Variants in TRABD2B observed in about 807,000 individuals in gnomAD.
The protein encoded by TRABD2B is metalloprotease TIKI2.
In TRABD2B, 14 loss-of-function variants were observed where a neutral mutation model predicts 40.1. The ratio of observed to expected loss-of-function variants is 0.35; its 90% CI spans 0.23 to 0.55. The LOEUF (loss-of-function observed/expected upper bound fraction) is 0.55, where lower values mean the gene tolerates loss of function less well. TRABD2B is among the 20% of genes least tolerant of loss of function. TRABD2B has a pLI of 0.90. For synonymous variants in TRABD2B, 263 were observed against 277.0 expected, an observed-to-expected ratio of 0.95 and a Z score of 0.50; for missense variants, 541 against 648.6, an observed-to-expected ratio of 0.83 and a Z score of 1.80.
intron 4 of TRABD2B, among the ~76,000 whole-genome samples, chr1:47,780,544 A>C (rs1372428429): frequency 6.6e-6 from 1 of 152,046 alleles, no homozygotes; most frequent in African/African-American, 2.4e-5. Context: ...ACTAAGTATG[A>C]TGGAGAGGGA....
chr1:47,804,207 C>T (rs1050367086), intron 2 of TRABD2B, among the ~76,000 whole-genome samples: 4 of 152,234 alleles, frequency 2.6e-5, no homozygotes, highest in African/African-American at 9.6e-5. Flanking sequence ...TCTGGGCCTT[C>T]TCCAGGCCTC....
chr1:47,776,879 C>A (rs1288668329), intron 5 of TRABD2B, among the ~76,000 whole-genome samples: 2 of 152,224 alleles, frequency 1.3e-5, no homozygotes, highest in Non-Finnish European at 2.9e-5. Context: ...CCTGGAGATG[C>A]CGCAGCTGCT....
intron 2 of TRABD2B, among the ~76,000 whole-genome samples, chr1:47,926,856 T>C (rs138345911): frequency 8.5e-5 from 13 of 152,316 alleles, no homozygotes; most frequent in African/African-American, 2.9e-4. Context: ...GCTCATCCTA[T>C]AGTCTTTGCT....
chr1:47,889,542 T>C (rs1308474917), intron 2 of TRABD2B, among the ~76,000 whole-genome samples: 1 of 152,224 alleles, frequency 6.6e-6, no homozygotes, highest in African/African-American at 2.4e-5. Flanking sequence ...CTGTTGACTC[T>C]GCCAATAGCA....
rs191239991 is a variant in TRABD2B, at chr1:47,786,241, G to A, written c.989-7697C>T. Among the ~76,000 whole-genome samples, 7 of 152,202 alleles carry A rather than the reference G, an allele frequency of 4.6e-5. 1 individual carries two copies. Among genetic ancestry groups the A allele is most frequent in the Admixed American group, 2.6e-4 (4 of 15,290 alleles). The stretch of plus-strand genomic sequence containing the variant: ...GCAGGGTTTCTAACTCACACAGTCT[G>A]GGTCCAAGCCCATGCTTTTAATCTA... On this transcript the variant is annotated intron_variant, in intron 4 of 6. Coordinates refer to ENST00000606738, the MANE Select transcript of TRABD2B (RefSeq NM_001194986.2).
rs778953746 is a variant in TRABD2B, at chr1:47,839,602, C to A, written c.667-37983G>T. 4.6e-5 allele frequency among the ~76,000 whole-genome samples: 7 copies of A among 152,202 alleles called. No homozygotes were observed. The East Asian group carries it at 1.2e-3, about 25-fold the overall frequency. On this transcript the variant is annotated intron_variant, in intron 2 of 6. Coordinates refer to ENST00000606738, the MANE Select transcript of TRABD2B (RefSeq NM_001194986.2). ...GGGAATTTATGAAATGCAAACTACA[C>A]CTCTGATGGGAAGGGCAGAGAGAGA...
intron 2 of TRABD2B, among the ~76,000 whole-genome samples, chr1:47,848,699 A>G (rs538945237): frequency 6.6e-6 from 1 of 152,190 alleles, no homozygotes; most frequent in African/African-American, 2.4e-5. Flanking sequence ...AAGGGCAGGG[A>G]AAGTTTGTCC....
chr1:47,768,250 A>AGGAGGGGAG (rs1644331298), intron 6 of TRABD2B, among the ~76,000 whole-genome samples: 1 of 152,138 alleles, frequency 6.6e-6, no homozygotes, highest in Non-Finnish European at 1.5e-5. Flanking sequence ...AGGAACTATC[A>AGGAGGGGAG]GGAGGGGAGG....
chr1:47,820,500 G>A (rs1645091266), intron 2 of TRABD2B, among the ~76,000 whole-genome samples: 1 of 152,212 alleles, frequency 6.6e-6, no homozygotes, highest in African/African-American at 2.4e-5. Flanking sequence ...CTCAAGCTTG[G>A]TGAGGTACCA....
intron 2 of TRABD2B, among the ~76,000 whole-genome samples, chr1:47,968,025 T>C (rs1238922957): frequency 1.3e-5 from 2 of 152,252 alleles, no homozygotes; most frequent in East Asian, 3.8e-4. Flanking sequence ...AAGATGAGAC[T>C]GATTGTAATG....
At chr1:47,806,539 C>T (rs1644894519) in intron 2 of TRABD2B, among the ~76,000 whole-genome samples, 1 of 152,180 alleles carries the variant, frequency 6.6e-6, no homozygotes, top group Non-Finnish European at 1.5e-5. Context: ...CGGGTGAAGG[C>T]TAGAGCTGCC....
rs145156526 is a variant in TRABD2B at position 47,839,397 on chromosome 1, C to T, written c.667-37778G>A. Among the ~76,000 whole-genome samples, 4 of 152,300 alleles carry T rather than the reference C, an allele frequency of 2.6e-5. No homozygotes were observed. The East Asian group carries it at 7.7e-4, about 29-fold the overall frequency. ...ACTCACCCACACAGAAACACATTCA[C>T]TCACACCTAACCAGTCCCCCAGTGA... On this transcript the variant is annotated intron_variant, in intron 2 of 6. Coordinates refer to ENST00000606738, the MANE Select transcript of TRABD2B (RefSeq NM_001194986.2).
At chr1:47,911,375 A>T (rs1017395648) in intron 2 of TRABD2B, among the ~76,000 whole-genome samples, 3 of 152,198 alleles carry the variant, frequency 2.0e-5, no homozygotes, top group African/African-American at 7.2e-5. Flanking sequence ...TGCAAGTTAC[A>T]ACCTTTTCCC....
chr1:47,820,616 T>C (rs1223153102), intron 2 of TRABD2B, among the ~76,000 whole-genome samples: 1 of 152,200 alleles, frequency 6.6e-6, no homozygotes, highest in African/African-American at 2.4e-5. Context: ...ACCCTGCTTT[T>C]TTCCCCAGCC....
intron 2 of TRABD2B, among the ~76,000 whole-genome samples, chr1:47,884,782 A>C (rs1644349871): frequency 6.6e-6 from 1 of 151,834 alleles, no homozygotes; most frequent in African/African-American, 2.4e-5. Context: ...TGCCCGGCTA[A>C]TTTTTGTATT....
chr1:47,996,509 T>C lies in TRABD2B; in HGVS notation c.102+179A>G, dbSNP rs1055797926. 2.6e-5 allele frequency among the ~76,000 whole-genome samples: 4 copies of C among 152,074 alleles called. No individual in the cohort carries two copies. The highest frequency in any genetic ancestry group is 4.2e-4 in the South Asian group (2 of 4,818). On this transcript the variant is annotated intron_variant, in intron 1 of 6. Transcript: ENST00000606738. The surrounding 1 kb of genome is among the most constrained non-coding windows in gnomAD (Gnocchi z 4.6). Reference sequence around the variant, plus strand: ...GAGAGGGAGCGCCCCTTCTCGCTCCTGGCTGGGAGCTGGAGCCGGGACAGG... The same window carrying C: ...GAGAGGGAGCGCCCCTTCTCGCTCCCGGCTGGGAGCTGGAGCCGGGACAGG...
At position 47,854,056 on chromosome 1, in the gene TRABD2B, T is replaced by C. The variant is rs536479628; in HGVS notation, c.667-52437A>G. Among the ~76,000 whole-genome samples, 7 of 152,298 alleles carry C rather than the reference T, an allele frequency of 4.6e-5. No homozygotes were observed. The East Asian group carries it at 1.3e-3, about 29-fold the overall frequency. The stretch of plus-strand genomic sequence containing the variant: ...CCTATCTCCCACAATTCATATGACA[T>C]AATAGTTACAAGCAGAGCTTTGGGG... On this transcript the variant is annotated intron_variant, in intron 2 of 6. Transcript: ENST00000606738.
At chr1:47,961,168 G>A (rs1007059698) in intron 2 of TRABD2B, among the ~76,000 whole-genome samples, 6 of 152,186 alleles carry the variant, frequency 3.9e-5, no homozygotes, top group African/African-American at 1.4e-4. Flanking sequence ...TATGTAGAAA[G>A]CTGAAACTGG....
intron 2 of TRABD2B, among the ~76,000 whole-genome samples, chr1:47,968,292 A>C (rs150661015): frequency 0.015 from 2,224 of 152,228 alleles, 51 homozygotes; most frequent in African/African-American, 0.05. Context: ...TGCTCAGCAA[A>C]TCCTTTTCCT....
Sources: allele counts gnomAD v4.1 joint callset (sites outside exome capture counted in the v4.1 genomes callset), GRCh38; gene constraint gnomAD v4.1.1; non-coding constraint Gnocchi (gnomAD v3.1); transcripts MANE v1.5; gene names NCBI Gene and HGNC (gene_info 2026-07-23, HGNC 2026-07-21).